The following SLC36A1 variants were observed in gnomAD, a reference collection of about 807,000 sequenced individuals.
The protein encoded by SLC36A1 is proton-coupled amino acid transporter 1.
A neutral mutation model predicts 47.5 loss-of-function variants in SLC36A1; 30 were observed. The ratio of observed to expected loss-of-function variants is 0.63; its 90% CI spans 0.47 to 0.86. The LOEUF is 0.86. Ranked by LOEUF, SLC36A1 falls within the 40% of genes least tolerant of loss-of-function variation. SLC36A1 has a pLI of 0.00. For missense variants in SLC36A1, 517 were observed against 606.0 expected, an observed-to-expected ratio of 0.85 and a Z score of 1.54; for synonymous variants, 255 against 249.7, an observed-to-expected ratio of 1.02 and a Z score of -0.20.
At chr5:151,487,698 A>T (rs1176652370) in intron 10 of SLC36A1, among the ~76,000 whole-genome samples, 2 of 152,058 alleles carry the variant, frequency 1.3e-5, no homozygotes, top group Admixed American at 1.3e-4. Flanking sequence ...TTCCTTTTGC[A>T]CAGAAAGATG....
the SLC36A1 span, among the ~76,000 whole-genome samples, chr5:151,430,070 A>T: frequency 6.6e-6 from 1 of 151,990 alleles, no homozygotes; most frequent in Non-Finnish European, 1.5e-5. Context: ...GCTCTGTATT[A>T]GGAGGATATA....
chr5:151,517,034 G>A, the SLC36A1 span, among the ~76,000 whole-genome samples: 1 of 151,802 alleles, frequency 6.6e-6, no homozygotes, highest in Non-Finnish European at 1.5e-5. Context: ...CTTGAACCTG[G>A]GAGACAGAGG....
At chr5:151,349,972 G>T in the SLC36A1 span, among the ~76,000 whole-genome samples, 3 of 152,152 alleles carry the variant, frequency 2.0e-5, no homozygotes, top group African/African-American at 7.2e-5. Flanking sequence ...ATAGATTAGA[G>T]AACCAAGGCA....
At chr5:151,353,480 C>T in the SLC36A1 span, among the ~76,000 whole-genome samples, 2 of 152,122 alleles carry the variant, frequency 1.3e-5, no homozygotes, top group Admixed American at 6.6e-5. Context: ...CCATATACCC[C>T]CAGCCCCACG....
At chr5:151,554,866 G>A in the SLC36A1 span, among the ~76,000 whole-genome samples, 4 of 152,230 alleles carry the variant, frequency 2.6e-5, no homozygotes, top group Admixed American at 6.5e-5. Context: ...ACAGAGAAAG[G>A]AAGCAGAAAG....
the SLC36A1 span, among the ~76,000 whole-genome samples, chr5:151,533,011 C>T: frequency 3.9e-5 from 6 of 152,160 alleles, no homozygotes; most frequent in Admixed American, 3.3e-4. Flanking sequence ...TCAAACCACA[C>T]CTGGATTATT....
chr5:151,387,318 A>G, the SLC36A1 span: 2 of 152,382 alleles, frequency 1.3e-5, no homozygotes, highest in African/African-American at 4.8e-5. Context: ...TCGGGAGATC[A>G]TTCAGGCCAG....
intron 2 of SLC36A1, among the ~76,000 whole-genome samples, chr5:151,460,515 C>G (rs897553461): frequency 2.0e-5 from 3 of 152,074 alleles, no homozygotes; most frequent in African/African-American, 7.2e-5. Flanking sequence ...GTTTCCCTTC[C>G]TGCCTTGATG....
Position 151,490,367 on chromosome 5 carries a change from T to A in SLC36A1, c.*2113T>A, listed in dbSNP as rs1760006853. 6.6e-6 allele frequency: 1 copy of A among 152,236 alleles called. No individual in the cohort carries two copies. Among genetic ancestry groups the A allele is most frequent in the South Asian group, 2.1e-4 (1 of 4,830 alleles). 9.4% of individuals were successfully genotyped at this position (152,236 alleles called of 1,614,324 possible). ...TCTTAGCTGTCTTTCCCAGCGGTGC[T>A]AAGAGTGGTCTCAGTGAGAAGGTAG... On this transcript the variant is annotated 3_prime_UTR_variant, in exon 11 of 11. Coordinates refer to ENST00000243389, the MANE Select transcript of SLC36A1 (RefSeq NM_078483.4).
chr5:151,505,550 T>A, the SLC36A1 span: 1 of 1,613,890 alleles, frequency 6.2e-7, no homozygotes, highest in Non-Finnish European at 8.5e-7. Context: ...CCTGCCTTGC[T>A]CTGGGAATGG....
the SLC36A1 span, chr5:151,505,808 A>G: frequency 1.7e-4 from 269 of 1,613,654 alleles, no homozygotes; most frequent in Non-Finnish European, 1.7e-4. Flanking sequence ...CCGTGTACTC[A>G]TTGAGACAGG....
At chr5:151,513,139 C>T in the SLC36A1 span, among the ~76,000 whole-genome samples, 1 of 152,180 alleles carries the variant, frequency 6.6e-6, no homozygotes, top group African/African-American at 2.4e-5. Flanking sequence ...CACATGTTGT[C>T]ACAACTGATG....
At chr5:151,349,037 A>G in the SLC36A1 span, among the ~76,000 whole-genome samples, 2 of 152,190 alleles carry the variant, frequency 1.3e-5, no homozygotes, top group Non-Finnish European at 2.9e-5. Context: ...TGGTCTGTGA[A>G]GTAGCAGGCT....
rs1581041852 is a variant in SLC36A1 at position 151,448,226 on chromosome 5, G to GGTAAGGA, written c.-6+419_-6+420insAGTAAGG. On this transcript the variant is annotated intron_variant, in intron 1 of 10. Coordinates refer to ENST00000243389, the MANE Select transcript of SLC36A1 (RefSeq NM_078483.4). ...AAACTGAGCCCTTACTCCGGGAAGG[G>GGTAAGGA]GTAAGGGCTTGCCTAAGGTCATCCA... is the stretch of plus-strand genomic sequence containing the variant. 3.3e-5 allele frequency among the ~76,000 whole-genome samples: 5 copies of GGTAAGGA among 152,316 alleles called. No homozygotes were observed. In the East Asian group the frequency reaches 9.6e-4, roughly 29 times the overall value.
the SLC36A1 span, among the ~76,000 whole-genome samples, chr5:151,531,040 G>A: frequency 1.3e-5 from 2 of 152,280 alleles, no homozygotes; most frequent in Admixed American, 6.5e-5. This position sits in a 1 kb window ranked among gnomAD's most constrained non-coding sequence, Gnocchi z 5.7. Context: ...GAGGCCCTTC[G>A]GTGAGTTTCT....
At chr5:151,397,252 C>A in the SLC36A1 span, among the ~76,000 whole-genome samples, 1 of 152,226 alleles carries the variant, frequency 6.6e-6, no homozygotes, top group African/African-American at 2.4e-5. Context: ...TCCAGACACT[C>A]TCTGTTGTAT....
chr5:151,534,693 A>G, the SLC36A1 span: 1 of 1,504,892 alleles, frequency 6.6e-7, no homozygotes, highest in African/African-American at 1.4e-5. Context: ...AATATTACCC[A>G]AGCATGTGCC....
chr5:151,531,975 C>A, the SLC36A1 span: 1 of 1,613,692 alleles, frequency 6.2e-7, no homozygotes, highest in African/African-American at 1.3e-5. This position sits in a 1 kb window ranked among gnomAD's most constrained non-coding sequence, Gnocchi z 5.7. Flanking sequence ...TGGCGCCTGG[C>A]AGGGAGACCA....
the SLC36A1 span, chr5:151,540,861 G>T: frequency 7.8e-5 from 88 of 1,121,658 alleles, no homozygotes; most frequent in Non-Finnish European, 1.1e-4. Flanking sequence ...TTTTAGAATT[G>T]TTGGGAAAGC....
Sources: gnomAD v4.1 joint callset for allele counts (sites outside exome capture counted in the v4.1 genomes callset) on GRCh38, gnomAD v4.1.1 for gene constraint, Gnocchi (gnomAD v3.1) non-coding constraint, MANE v1.5 for transcripts, NCBI Gene and HGNC (gene_info 2026-07-23, HGNC 2026-07-21) for gene names.